Variants in PRELID2 observed in about 807,000 individuals in gnomAD.
PRELID2 encodes PRELI domain-containing protein 2.
A neutral mutation model predicts 28.4 loss-of-function variants in PRELID2; 25 were observed. The observed-to-expected ratio is 0.88, with a 90% confidence interval of 0.64 to 1.23. The LOEUF is 1.23. Among genes scored for constraint, PRELID2 ranks in the 50% most tolerant of loss-of-function variants. PRELID2 has a pLI of 0.00. For missense variants in PRELID2, 201 were observed against 214.4 expected (o/e 0.94, Z 0.39); for synonymous variants, 76 against 71.6 (o/e 1.06, Z -0.31).
At chr5:145,824,115 G>A (rs1755010519) in intron 1 of PRELID2, among the ~76,000 whole-genome samples, 1 of 152,084 alleles carries the variant, frequency 6.6e-6, no homozygotes, top group Non-Finnish European at 1.5e-5. Context: ...TGTGAAAAGA[G>A]AGACACTGGG....
intron 1 of PRELID2, among the ~76,000 whole-genome samples, chr5:145,741,844 T>C (rs1756796194): frequency 1.5e-5 from 1 of 65,964 alleles, no homozygotes; most frequent in Non-Finnish European, 2.7e-5. Flanking sequence ...AATAAATATA[T>C]AAAACATTTT....
At chr5:145,261,416 C>G in the PRELID2 span, among the ~76,000 whole-genome samples, 1 of 152,200 alleles carries the variant, frequency 6.6e-6, no homozygotes, top group Non-Finnish European at 1.5e-5. Flanking sequence ...AGGACCCTCA[C>G]AGAATCCACT....
chr5:145,611,283 C>T (rs973446587), intron 1 of PRELID2, among the ~76,000 whole-genome samples: 1 of 151,980 alleles, frequency 6.6e-6, no homozygotes, highest in African/African-American at 2.4e-5. Context: ...CCTGCCTCAC[C>T]CTCCCAAGTA....
chr5:145,824,463 T>TGTGTGTGTGTGTGAGA (rs373555427), intron 1 of PRELID2, among the ~76,000 whole-genome samples: 6 of 143,548 alleles, frequency 4.2e-5, no homozygotes, highest in Non-Finnish European at 9.1e-5. Flanking sequence ...TGTGTGTGTG[T>TGTGTGTGTGTGTGAGA]GATATTGATT....
the PRELID2 span, among the ~76,000 whole-genome samples, chr5:145,239,740 A>C: frequency 6.6e-6 from 1 of 152,012 alleles, no homozygotes; most frequent in Non-Finnish European, 1.5e-5. Flanking sequence ...TCCTTAAGAA[A>C]TTCTATAAGC....
At chr5:145,361,935 T>C in the PRELID2 span, among the ~76,000 whole-genome samples, 6 of 152,168 alleles carry the variant, frequency 3.9e-5, no homozygotes, top group African/African-American at 1.4e-4. Context: ...TGGCCTTCAA[T>C]GATGCCAGGT....
chr5:145,804,452 G>A (rs1346665978), intron 4 of PRELID2, among the ~76,000 whole-genome samples: 1 of 152,124 alleles, frequency 6.6e-6, no homozygotes, highest in Non-Finnish European at 1.5e-5. Flanking sequence ...GGAGGTTGTG[G>A]TGAGCCGAGA....
intron 1 of PRELID2, among the ~76,000 whole-genome samples, chr5:145,730,454 C>T (rs1420178559): frequency 6.6e-6 from 1 of 152,154 alleles, no homozygotes; most frequent in Non-Finnish European, 1.5e-5. Context: ...TCATGCATGG[C>T]ATGAAGATCC....
At chr5:145,461,352 G>A in the PRELID2 span, among the ~76,000 whole-genome samples, 2 of 151,964 alleles carry the variant, frequency 1.3e-5, no homozygotes, top group African/African-American at 4.8e-5. Flanking sequence ...CCAGGCTGGG[G>A]GGTGCAGTGG....
At chr5:145,513,276 G>C (rs1752480989) in intron 1 of PRELID2, among the ~76,000 whole-genome samples, 1 of 151,802 alleles carries the variant, frequency 6.6e-6, no homozygotes, top group Non-Finnish European at 1.5e-5. Flanking sequence ...AGAATAACCA[G>C]TTTAGAAAAA....
intron 1 of PRELID2, among the ~76,000 whole-genome samples, chr5:145,527,423 T>C (rs1726586407): frequency 6.6e-6 from 1 of 152,190 alleles, no homozygotes; most frequent in African/African-American, 2.4e-5. Context: ...ATACATAGGA[T>C]CTCTGTGTAT....
chr5:145,712,382 A>G (rs1755718118), intron 1 of PRELID2, among the ~76,000 whole-genome samples: 1 of 152,172 alleles, frequency 6.6e-6, no homozygotes, highest in South Asian at 2.1e-4. Context: ...GCTTCTCCCA[A>G]CTCTCTGTTC....
chr5:145,724,389 G>A (rs937084656), intron 1 of PRELID2, among the ~76,000 whole-genome samples: 4 of 151,224 alleles, frequency 2.6e-5, no homozygotes, highest in African/African-American at 9.7e-5. Flanking sequence ...ATAATGAAAG[G>A]AAACAAAAGA....
At chr5:145,826,039 C>G in intron 1 of PRELID2, 1 of 985,318 alleles carries the variant, frequency 1.0e-6, no homozygotes, top group Non-Finnish European at 1.2e-6. Context: ...TTCTGGACAC[C>G]TTTTCAAACA....
chr5:145,329,708 C>G, the PRELID2 span, among the ~76,000 whole-genome samples: 285 of 152,242 alleles, frequency 1.9e-3, 1 homozygote, highest in Non-Finnish European at 3.2e-3. Context: ...TCTAAATATA[C>G]AATCATGTCA....
intron 1 of PRELID2, among the ~76,000 whole-genome samples, chr5:145,671,317 C>A (rs1022832389): frequency 6.6e-6 from 1 of 152,254 alleles, no homozygotes; most frequent in East Asian, 1.9e-4. Flanking sequence ...TGCTCAGAAT[C>A]CCAACAAAAC....
intron 4 of PRELID2, among the ~76,000 whole-genome samples, chr5:145,810,620 T>C (rs1272168425): frequency 1.3e-5 from 2 of 152,236 alleles, no homozygotes. Flanking sequence ...ACTGTTTCTA[T>C]ATTAAATACA....
the PRELID2 span, among the ~76,000 whole-genome samples, chr5:145,340,770 C>CAT: frequency 0.14 from 15,945 of 116,174 alleles, 1,147 homozygotes; most frequent in Admixed American, 0.18. Flanking sequence ...TAAAAATATA[C>CAT]ATATATATAT....
chr5:145,572,766 G>A (rs1363693672), intron 1 of PRELID2, among the ~76,000 whole-genome samples: 6 of 152,114 alleles, frequency 3.9e-5, no homozygotes, highest in South Asian at 2.1e-4. Context: ...AGTGCTGGGC[G>A]GAAAGTAGAA....
Sources: gnomAD v4.1 joint callset for allele counts (sites outside exome capture counted in the v4.1 genomes callset) on GRCh38, gnomAD v4.1.1 for gene constraint, MANE v1.5 for transcripts, NCBI Gene and HGNC (gene_info 2026-07-23, HGNC 2026-07-21) for gene names.